GGPS1: variants seen among roughly 807,000 people sequenced by gnomAD.
GGPS1 encodes the protein geranylgeranyl diphosphate synthase 1.
In GGPS1, 15 loss-of-function variants were observed where a neutral mutation model predicts 28.1. That is an observed-to-expected ratio of 0.53 (90% CI 0.36 to 0.82). The LOEUF (loss-of-function observed/expected upper bound fraction) is 0.82. Ranked by LOEUF, GGPS1 falls within the 40% of genes least tolerant of loss-of-function variation. The pLI is 0.01. For synonymous variants in GGPS1, 138 were observed against 122.4 expected (o/e 1.13, Z -0.84); for missense variants, 284 against 348.3 (o/e 0.82, Z 1.47).
chr1:235,341,777 AG>A lies in GGPS1; in HGVS notation c.141+1del. ...HWLKVPEDKL[Q>X]IIIEVTEMLH... ...CTGAAAGTTCCAGAGGACAAGCTAC[AG>A]GTATTAGGCAACTCTAACCTCATTA... On this transcript the variant is annotated frameshift_variant and splice_region_variant, in exon 3 of 4. Transcript: ENST00000282841. LOFTEE classifies it high-confidence loss of function. 6.4e-7 allele frequency: 1 copy of A among 1,565,206 alleles called. No homozygotes were observed. The highest frequency in any genetic ancestry group is 8.8e-7 in the Non-Finnish European group (1 of 1,135,518).
chr1:235,341,110 G>A (rs1014078517), intron 2 of GGPS1, among the ~76,000 whole-genome samples: 4 of 152,092 alleles, frequency 2.6e-5, no homozygotes, highest in South Asian at 2.1e-4. Flanking sequence ...CGGGTGTATC[G>A]CTTGGGCTCA....
chr1:235,328,378 G>A (rs2103332545), upstream of GGPS1: 1 of 152,518 alleles, frequency 6.6e-6, no homozygotes, highest in African/African-American at 2.4e-5. Flanking sequence ...CCAGTTCTAT[G>A]GAAACAGAAA....
At chr1:235,338,990 C>T (rs1317895607) in intron 2 of GGPS1, among the ~76,000 whole-genome samples, 3 of 151,790 alleles carry the variant, frequency 2.0e-5, no homozygotes, top group African/African-American at 7.3e-5. Context: ...ATGGGGAAAC[C>T]CTGTCTCTAT....
At chr1:235,338,944 A>G (rs1675945581) in intron 2 of GGPS1, among the ~76,000 whole-genome samples, 1 of 151,610 alleles carries the variant, frequency 6.6e-6, no homozygotes, top group African/African-American at 2.4e-5. Context: ...CATGTGGACG[A>G]CTTGAGGTCA....
In GGPS1 at chr1:235,342,392, C is replaced by A; in HGVS notation, c.523C>A (p.Pro175Thr). Residue 175 changes from proline (P) to threonine (T), a missense_variant, in exon 4 of 4, where the codon CCG becomes ACG. By Grantham distance (38) the Pro-to-Thr change is conservative (BLOSUM62 -1). Coordinates refer to ENST00000282841, the MANE Select transcript of GGPS1 (RefSeq NM_004837.4). ...LFSDYKEDLKPLLNTLGLFFQ... is the reference protein window; with the variant it reads ...LFSDYKEDLKTLLNTLGLFFQ... ...CTCTGATTACAAAGAAGATTTAAAA[C>A]CGCTACTTAATACACTTGGGCTCTT... 1 of 1,614,040 alleles carries A rather than the reference C, an allele frequency of 6.2e-7. No individual in the cohort carries two copies. The highest frequency in any genetic ancestry group is 8.5e-7 in the Non-Finnish European group (1 of 1,179,864).
intron 1 of GGPS1, chr1:235,329,033 A>G (rs904771169): frequency 6.6e-6 from 1 of 152,254 alleles, no homozygotes; most frequent in Non-Finnish European, 1.5e-5. Context: ...CTGTGCTAGC[A>G]CTGTATACGT....
At chr1:235,338,135 C>T (rs1675921586) in intron 2 of GGPS1, among the ~76,000 whole-genome samples, 1 of 152,168 alleles carries the variant, frequency 6.6e-6, no homozygotes, top group Non-Finnish European at 1.5e-5. Context: ...ACTCCCAGCA[C>T]TTTGGGAGAC....
At chr1:235,332,161 G>T (rs6699644) in intron 1 of GGPS1, among the ~76,000 whole-genome samples, 74,144 of 151,868 alleles carry the variant, frequency 0.49, 18,547 homozygotes, top group South Asian at 0.6. Flanking sequence ...ACTTTTAGGG[G>T]GTCCATCACC....
At chr1:235,337,611 G>A (rs1675907402) in intron 2 of GGPS1, among the ~76,000 whole-genome samples, 1 of 151,964 alleles carries the variant, frequency 6.6e-6, no homozygotes, top group Admixed American at 6.6e-5. Flanking sequence ...TAATAATAAT[G>A]CTATCAGTAT....
rs534021754 is a variant in GGPS1, at chr1:235,332,705, C to T, written c.-23-2537C>T. The stretch of plus-strand genomic sequence containing the variant: ...ATAAATCCACAAAAGTCAGATTCTG[C>T]TCCTAAGTATATTTTACATTTTTAA... On this transcript the variant is annotated intron_variant, in intron 1 of 3. Transcript: ENST00000282841. Among the ~76,000 whole-genome samples, 3 of 152,204 alleles carry T rather than the reference C, an allele frequency of 2.0e-5. No individual in the cohort carries two copies. The South Asian group carries it at 6.2e-4, about 32-fold the overall frequency.
chr1:235,327,809 C>T (rs1209784475), upstream of GGPS1: 1 of 152,714 alleles, frequency 6.5e-6, no homozygotes, highest in African/African-American at 2.4e-5. Flanking sequence ...CGTCCAGAGT[C>T]CCCTCTCTCC....
At chr1:235,336,670 T>C (rs1341054888) in intron 2 of GGPS1, 5 of 152,184 alleles carry the variant, frequency 3.3e-5, no homozygotes, top group Non-Finnish European at 7.3e-5. Flanking sequence ...TAAAAGTTGG[T>C]AAATTATTTG....
At chr1:235,331,220 C>T (rs1195303709) in intron 1 of GGPS1, among the ~76,000 whole-genome samples, 2 of 152,054 alleles carry the variant, frequency 1.3e-5, no homozygotes, top group South Asian at 2.1e-4. Context: ...AGAAATTTTC[C>T]ATATGGGATG....
At chr1:235,338,817 G>C (rs1245969237) in intron 2 of GGPS1, among the ~76,000 whole-genome samples, 2 of 152,126 alleles carry the variant, frequency 1.3e-5, no homozygotes, top group Non-Finnish European at 2.9e-5. Context: ...AGTAGGCCGT[G>C]ATTGTGCCAC....
chr1:235,337,482 T>C (rs1350438236), intron 2 of GGPS1, among the ~76,000 whole-genome samples: 3 of 152,198 alleles, frequency 2.0e-5, no homozygotes, highest in Admixed American at 6.6e-5. Context: ...TAAAGAAATA[T>C]GACATTGCAC....
chr1:235,332,454 A>G (rs1203684849), intron 1 of GGPS1, among the ~76,000 whole-genome samples: 1 of 152,076 alleles, frequency 6.6e-6, no homozygotes, highest in Non-Finnish European at 1.5e-5. Flanking sequence ...CATTTTCTTT[A>G]TTCAGTCATC....
Position 235,343,950 on chromosome 1 carries a change from T to C in GGPS1, c.*1178T>C, listed in dbSNP as rs1219117981. 1 of 166,944 alleles carries C rather than the reference T, an allele frequency of 6.0e-6. No individual in the cohort carries two copies. Among genetic ancestry groups the C allele is most frequent in the Non-Finnish European group, 1.5e-5 (1 of 68,102 alleles). The allele number at this position is 166,944 out of a possible 1,614,324, so 10.3% of individuals were successfully genotyped here. A position where few individuals can be genotyped will look rare whatever the true frequency, so the allele number is the denominator to read the frequency against. On this transcript the variant is annotated 3_prime_UTR_variant, in exon 4 of 4. Coordinates refer to ENST00000282841, the MANE Select transcript of GGPS1 (RefSeq NM_004837.4). ...ACCCCGACTTGAAGACAGTAGGTGC[T>C]TGAATGGAAAGTGAGTAGGCATCTT...
intron 2 of GGPS1, chr1:235,336,927 A>G (rs559311404): frequency 6.3e-6 from 1 of 157,840 alleles, no homozygotes; most frequent in African/African-American, 2.4e-5. Context: ...GCCGACCCTA[A>G]TAGAGACTCG....
intron 2 of GGPS1, among the ~76,000 whole-genome samples, chr1:235,340,535 G>A (rs1676004968): frequency 1.3e-5 from 2 of 150,770 alleles, no homozygotes; most frequent in Non-Finnish European, 3.0e-5. Context: ...AGGAGATCGA[G>A]ACCATCCTGG....
Sources: gnomAD v4.1 joint callset for allele counts (sites outside exome capture counted in the v4.1 genomes callset) on GRCh38, gnomAD v4.1.1 for gene constraint, MANE v1.5 for transcripts, NCBI Gene and HGNC (gene_info 2026-07-23, HGNC 2026-07-21) for gene names.